The following MME variants were observed in gnomAD, a reference collection of about 807,000 sequenced individuals.
The protein encoded by MME is neprilysin.
MME carries 98 observed loss-of-function variants against 113.2 expected under a neutral mutation model. The ratio of observed to expected loss-of-function variants is 0.87; its 90% confidence interval spans 0.74 to 1.02. MME has a LOEUF of 1.02. MME is among the 50% of genes least tolerant of loss of function. MME has a pLI of 0.00. For synonymous variants in MME, 292 were observed against 300.6 expected (o/e 0.97, Z 0.30); for missense variants, 836 against 896.0 (o/e 0.93, Z 0.86).
chr3:155,078,045 TACACACACAC>T (rs34585642), upstream of MME, among the ~76,000 whole-genome samples: 18 of 139,842 alleles, frequency 1.3e-4, no homozygotes, highest in South Asian at 2.3e-4. Flanking sequence ...AAAGTAAAAG[TACACACACAC>T]ACACACACAC....
chr3:155,039,376 A>G lies in MME; in HGVS notation c.-11+15052A>G, dbSNP rs570457896. Among the ~76,000 whole-genome samples the G allele has an allele frequency of 8.5e-5, 13 of 152,318 alleles. 1 individual carries two copies. Among genetic ancestry groups the G allele is most frequent in the African/African-American group, 3.1e-4 (13 of 41,586 alleles). On this transcript the variant is annotated intron_variant, in intron 1 of 22. Transcript: ENST00000492661. ...AAAAGGTATGAATTAGGAGACTGGA[A>G]ATTAAATAGGTCAGGGGTATATTGT... is the stretch of plus-strand genomic sequence containing the variant.
chr3:155,124,298 G>A (rs887531679), intron 8 of MME, among the ~76,000 whole-genome samples: 29 of 151,864 alleles, frequency 1.9e-4, no homozygotes, highest in African/African-American at 6.8e-4. Context: ...CTCTGTATTG[G>A]TTATTCTAGT....
intron 1 of MME, among the ~76,000 whole-genome samples, chr3:155,051,525 T>C (rs1340753815): frequency 2.0e-5 from 3 of 152,156 alleles, no homozygotes; most frequent in Non-Finnish European, 4.4e-5. Context: ...AGGCACATCT[T>C]ACAGGTGAGA....
intron 1 of MME, among the ~76,000 whole-genome samples, chr3:155,024,535 T>C (rs1712710756): frequency 6.6e-6 from 1 of 152,212 alleles, no homozygotes; most frequent in African/African-American, 2.4e-5. Flanking sequence ...GAGCTGGCAG[T>C]CTGAAGAGAG....
In MME at chr3:155,136,693, T is replaced by C. The variant is rs574142080; in HGVS notation, c.721-1409T>C. 3.3e-5 allele frequency among the ~76,000 whole-genome samples: 5 copies of C among 152,354 alleles called. No homozygotes were observed. In the South Asian group the frequency reaches 1.0e-3, roughly 32 times the overall value. On this transcript the variant is annotated intron_variant, in intron 8 of 22. Transcript: ENST00000360490. Reference sequence around the variant, plus strand: ...TCTATTTTCCTATTAGTTTTAGGTTTGATTAATGGATCACTGTAAATTCAG... The same window carrying C: ...TCTATTTTCCTATTAGTTTTAGGTTCGATTAATGGATCACTGTAAATTCAG...
chr3:155,107,903 C>A (rs1717825221), intron 3 of MME, among the ~76,000 whole-genome samples: 1 of 152,212 alleles, frequency 6.6e-6, no homozygotes, highest in Non-Finnish European at 1.5e-5. Flanking sequence ...TGTGGAAGTG[C>A]TATGTAGTGT....
chr3:155,116,350 C>G, intron 4 of MME, 129 bp from the exon 5 acceptor site: 1 of 728,606 alleles, frequency 1.4e-6, no homozygotes, highest in Admixed American at 2.1e-5. Context: ...GAATGTACCT[C>G]CAGAAAAGCA....
intron 1 of MME, among the ~76,000 whole-genome samples, chr3:155,067,577 G>A (rs1281024008): frequency 1.3e-5 from 2 of 151,950 alleles, no homozygotes; most frequent in African/African-American, 4.8e-5. Flanking sequence ...CCAAAGTGCT[G>A]GGATTACAGG....
intron 1 of MME, among the ~76,000 whole-genome samples, chr3:155,058,759 G>GA (rs1394359754): frequency 1.3e-5 from 2 of 152,204 alleles, no homozygotes; most frequent in East Asian, 1.9e-4. Context: ...TGATATATTT[G>GA]AAAAATCCGA....
At position 155,102,317 on chromosome 3, in the gene MME, T is replaced by C. The variant is rs16824562; in HGVS notation, c.197-12677T>C. 8.6e-3 allele frequency among the ~76,000 whole-genome samples: 1,316 copies of C among 152,342 alleles called. 20 individuals are homozygous for C. Among genetic ancestry groups the C allele is most frequent in the African/African-American group, 0.03 (1,264 of 41,590 alleles). On this transcript the variant is annotated intron_variant, in intron 3 of 22. Transcript: ENST00000360490. ...TATGGGCTAGTCATTGTGCTAGGCGTAGGAATTAGAATCCTTTCCCTGGGT... is the reference window on the plus strand; with the variant it reads ...TATGGGCTAGTCATTGTGCTAGGCGCAGGAATTAGAATCCTTTCCCTGGGT...
At chr3:155,035,009 T>C (rs1158813244) in intron 1 of MME, among the ~76,000 whole-genome samples, 4 of 152,126 alleles carry the variant, frequency 2.6e-5, no homozygotes, top group Non-Finnish European at 4.4e-5. Flanking sequence ...GAAGGGAATG[T>C]ACCAGCACTC....
chr3:155,090,783 T>A (rs777405708), intron 3 of MME, among the ~76,000 whole-genome samples: 16 of 152,202 alleles, frequency 1.1e-4, no homozygotes, highest in Non-Finnish European at 2.1e-4. Context: ...TGTACGCACA[T>A]ACTGATTTAA....
upstream of MME, chr3:155,079,899 G>A (rs1253776849): frequency 6.6e-6 from 1 of 152,316 alleles, no homozygotes; most frequent in Non-Finnish European, 1.5e-5. Context: ...GGACTGAGAG[G>A]CGCTTGGCTG....
chr3:155,119,654 G>C (rs1718946733), intron 8 of MME, among the ~76,000 whole-genome samples: 1 of 150,090 alleles, frequency 6.7e-6, no homozygotes, highest in Non-Finnish European at 1.5e-5. Flanking sequence ...ACCTATGAGT[G>C]AGAATATGCG....
chr3:155,108,462 G>T (rs574488822), intron 3 of MME, among the ~76,000 whole-genome samples: 54 of 152,186 alleles, frequency 3.5e-4, no homozygotes, highest in African/African-American at 1.3e-3. Flanking sequence ...CAAGCATGGT[G>T]GCGGGTGCCT....
At position 155,137,784 on chromosome 3, in the gene MME, G is replaced by A. The variant is rs551315407; in HGVS notation, c.721-318G>A. Among the ~76,000 whole-genome samples, 3 of 152,256 alleles carry A rather than the reference G, an allele frequency of 2.0e-5. No homozygotes were observed. The South Asian group carries it at 6.2e-4, about 32-fold the overall frequency. ...ATTAGTATATGTTATTGCTTATCAA[G>A]TGTTTTGCAACTCATTCTAATCAAG... is the stretch of plus-strand genomic sequence containing the variant. On this transcript the variant is annotated intron_variant, in intron 8 of 22. Coordinates refer to ENST00000360490, the MANE Select transcript of MME (RefSeq NM_007289.4).
chr3:155,146,336 G>A (rs9874896), intron 14 of MME, among the ~76,000 whole-genome samples: 53,727 of 151,672 alleles, frequency 0.35, 9,916 homozygotes, highest in African/African-American at 0.44. Context: ...GACTAGCCTG[G>A]GCAACGTGGT....
At chr3:155,057,015 C>T (rs1206837858) in intron 1 of MME, among the ~76,000 whole-genome samples, 3 of 152,130 alleles carry the variant, frequency 2.0e-5, no homozygotes, top group Admixed American at 2.0e-4. Flanking sequence ...CTAGGCATTA[C>T]CATTCAGGAC....
At position 155,148,654 on chromosome 3, in the gene MME, G is replaced by C; in HGVS notation, c.1601+1G>C. ...TCCGAGAAAAGGTGGACAAAGATGA[G>C]TGCGTATATTCTCATTTCTAATGTG... On this transcript the variant is annotated splice_donor_variant, in intron 16 of 22. Coordinates refer to ENST00000360490, the MANE Select transcript of MME (RefSeq NM_007289.4). LOFTEE classifies it high-confidence loss of function. 1 of 1,600,834 alleles carries C rather than the reference G, an allele frequency of 6.2e-7. No individual in the cohort carries two copies. Among genetic ancestry groups the C allele is most frequent in the Non-Finnish European group, 8.6e-7 (1 of 1,168,300 alleles).
Sources: allele counts gnomAD v4.1 joint callset (sites outside exome capture counted in the v4.1 genomes callset), GRCh38; gene constraint gnomAD v4.1.1; transcripts MANE v1.5; gene names NCBI Gene and HGNC (gene_info 2026-07-23, HGNC 2026-07-21).